Variants in IGF2BP2 observed in about 807,000 individuals in gnomAD.
IGF2BP2 encodes the protein insulin like growth factor 2 mRNA binding protein 2, also known as insulin-like growth factor 2 mRNA-binding protein 2.
Under a neutral mutation model 75.8 loss-of-function variants are expected in IGF2BP2, and 17 were observed. That is an observed-to-expected ratio of 0.22 (90% CI 0.15 to 0.34). The LOEUF (loss-of-function observed/expected upper bound fraction) is 0.34, where lower values mean the gene tolerates loss of function less well. Among genes scored for constraint, IGF2BP2 ranks in the 10% least tolerant of loss-of-function variants. The pLI is 1.00. For synonymous variants in IGF2BP2, 288 were observed against 295.6 expected (o/e 0.97, Z 0.26); for missense variants, 516 against 772.4 (o/e 0.67, Z 3.93).
intron 10 of IGF2BP2, among the ~76,000 whole-genome samples, chr3:185,663,583 T>C (rs1716819390): frequency 6.6e-6 from 1 of 152,030 alleles, no homozygotes. Flanking sequence ...GACCATCTGA[T>C]ACACAATTTA....
intron 2 of IGF2BP2, among the ~76,000 whole-genome samples, chr3:185,733,065 A>G (rs1043280805): frequency 2.6e-5 from 4 of 152,168 alleles, no homozygotes; most frequent in African/African-American, 9.7e-5. Context: ...TCATCTAGGA[A>G]CTAGGGGAGG....
intron 13 of IGF2BP2, 133 bp from the exon 14 acceptor site, chr3:185,649,667 G>A (rs1247099458): frequency 3.2e-6 from 4 of 1,242,402 alleles, no homozygotes; most frequent in Non-Finnish European, 4.4e-6. Context: ...CACACAGGAA[G>A]CTGCGTGCCC....
intron 2 of IGF2BP2, among the ~76,000 whole-genome samples, chr3:185,741,155 G>A (rs756248506): frequency 8.5e-5 from 13 of 152,214 alleles, no homozygotes; most frequent in South Asian, 2.1e-4. Flanking sequence ...TTACAGGAAT[G>A]AGCCACTGTG....
At chr3:185,798,163 T>G (rs1220306611) in intron 2 of IGF2BP2, among the ~76,000 whole-genome samples, 1 of 152,000 alleles carries the variant, frequency 6.6e-6, no homozygotes, top group African/African-American at 2.4e-5. Flanking sequence ...ATTGCGCCAC[T>G]GCACTCCTGG....
intron 2 of IGF2BP2, among the ~76,000 whole-genome samples, chr3:185,756,956 G>A (rs1731702715): frequency 6.6e-6 from 1 of 152,122 alleles, no homozygotes; most frequent in African/African-American, 2.4e-5. Context: ...GCAACAGAGT[G>A]AGATCCTGTC....
intron 2 of IGF2BP2, among the ~76,000 whole-genome samples, chr3:185,726,249 A>T (rs1727312245): frequency 6.6e-6 from 1 of 152,172 alleles, no homozygotes; most frequent in Non-Finnish European, 1.5e-5. Context: ...TAAGGAATGG[A>T]CCCAGGGTCA....
intron 2 of IGF2BP2, among the ~76,000 whole-genome samples, chr3:185,816,325 G>A (rs1578405240): frequency 6.6e-6 from 1 of 152,082 alleles, no homozygotes. Context: ...TCTGTCTGTG[G>A]GCAAGCACAG....
intron 12 of IGF2BP2, among the ~76,000 whole-genome samples, chr3:185,654,641 T>C (rs1436256406): frequency 6.6e-6 from 1 of 152,240 alleles, no homozygotes; most frequent in Non-Finnish European, 1.5e-5. Flanking sequence ...TGTGCAGTTT[T>C]GGAATGTCAT....
At chr3:185,783,820 A>AT (rs949068456) in intron 2 of IGF2BP2, among the ~76,000 whole-genome samples, 1 of 152,196 alleles carries the variant, frequency 6.6e-6, no homozygotes, top group Non-Finnish European at 1.5e-5. Flanking sequence ...GTTTTAAAAT[A>AT]TTTTTTGATA....
intron 10 of IGF2BP2, among the ~76,000 whole-genome samples, chr3:185,671,700 T>TA (rs1718542261): frequency 6.6e-6 from 1 of 152,080 alleles, no homozygotes; most frequent in African/African-American, 2.4e-5. Context: ...TCTCTACAGA[T>TA]AACCCAAAAA....
chr3:185,705,493 C>T (rs527554444), intron 2 of IGF2BP2, among the ~76,000 whole-genome samples: 1 of 152,192 alleles, frequency 6.6e-6, no homozygotes, highest in South Asian at 2.1e-4. Context: ...CCCAGAACAG[C>T]CCTCATAACT....
intron 13 of IGF2BP2, among the ~76,000 whole-genome samples, chr3:185,650,276 C>CT (rs879270422): frequency 9.2e-4 from 127 of 138,642 alleles, no homozygotes; most frequent in South Asian, 4.6e-3. Context: ...ACCTATCTTT[C>CT]TTTTTTTTTT....
intron 2 of IGF2BP2, among the ~76,000 whole-genome samples, chr3:185,816,967 T>C (rs1424002295): frequency 6.6e-6 from 1 of 152,216 alleles, no homozygotes; most frequent in Non-Finnish European, 1.5e-5. Context: ...TAAGAAAAAC[T>C]GAAAATATAA....
At chr3:185,747,658 G>T (rs992710092) in intron 2 of IGF2BP2, among the ~76,000 whole-genome samples, 2 of 151,944 alleles carry the variant, frequency 1.3e-5, no homozygotes, top group Non-Finnish European at 1.5e-5. Context: ...CAGCCTGGGC[G>T]ACAGAGCAAG....
intron 10 of IGF2BP2, among the ~76,000 whole-genome samples, chr3:185,661,024 G>T (rs1419889661): frequency 6.6e-6 from 1 of 152,178 alleles, no homozygotes; most frequent in Non-Finnish European, 1.5e-5. Context: ...GGAACTCAGG[G>T]TAAGAAAGAG....
In IGF2BP2 at chr3:185,689,456, A is replaced by T. The variant is rs1721607460; in HGVS notation, c.576T>A (p.Ile192=). ...GGACCAGGATCCGCAGCGGGAAATC[A>T]ATCTGTCTGGCCTGAGAAGTGCCCC... ...APGGTSQARQ[I]DFPLRILVPT... The change falls in exon 6 of 16, where the codon ATT becomes ATA. Residue 192 remains isoleucine, a synonymous_variant. Transcript: ENST00000382199. 1.9e-6 allele frequency: 3 copies of T among 1,613,800 alleles called. No individual in the cohort carries two copies. Among genetic ancestry groups the T allele is most frequent in the Non-Finnish European group, 2.5e-6 (3 of 1,179,866 alleles).
intron 8 of IGF2BP2, 35 bp downstream of exon 8, chr3:185,675,756 T>TTATA: frequency 6.2e-7 from 1 of 1,607,500 alleles, no homozygotes; most frequent in Non-Finnish European, 8.5e-7. Context: ...AGGTGTTCCA[T>TTATA]TATTGGGCAT....
chr3:185,784,028 A>G (rs1735548800), intron 2 of IGF2BP2, among the ~76,000 whole-genome samples: 1 of 152,190 alleles, frequency 6.6e-6, no homozygotes, highest in African/African-American at 2.4e-5. Flanking sequence ...TGAGGTCAGG[A>G]GTTCAAGACC....
intron 4 of IGF2BP2, among the ~76,000 whole-genome samples, chr3:185,694,114 AT>A (rs1351300377): frequency 6.6e-6 from 1 of 152,208 alleles, no homozygotes; most frequent in Non-Finnish European, 1.5e-5. Flanking sequence ...TGAGAATTAC[AT>A]GTAATAAACC....
Sources: gnomAD v4.1 joint callset for allele counts (sites outside exome capture counted in the v4.1 genomes callset) on GRCh38, gnomAD v4.1.1 for gene constraint, MANE v1.5 for transcripts, NCBI Gene and HGNC (gene_info 2026-07-23, HGNC 2026-07-21) for gene names.